The following GOLGA5 variants were observed in gnomAD, a reference collection of about 807,000 sequenced individuals.
The protein encoded by GOLGA5 is golgin subfamily A member 5.
In GOLGA5, 50 loss-of-function variants were observed where a neutral mutation model predicts 93.5. That is an observed-to-expected ratio of 0.53 (90% confidence interval 0.43 to 0.68). The LOEUF is 0.68. GOLGA5 is among the 30% of genes least tolerant of loss of function. The pLI is 0.00. For missense variants in GOLGA5, 760 were observed against 856.4 expected (o/e 0.89, Z 1.40); for synonymous variants, 312 against 304.5 (o/e 1.02, Z -0.26).
At chr14:92,814,101 T>C (rs1349476989) in intron 6 of GOLGA5, among the ~76,000 whole-genome samples, 2 of 152,036 alleles carry the variant, frequency 1.3e-5, no homozygotes, top group Non-Finnish European at 2.9e-5. Context: ...TGATGCAACA[T>C]TGAGGTGACA....
At chr14:92,816,671 C>G (rs1295374858) in intron 7 of GOLGA5, among the ~76,000 whole-genome samples, 1 of 152,144 alleles carries the variant, frequency 6.6e-6, no homozygotes, top group Non-Finnish European at 1.5e-5. Context: ...AAGCAGTCTT[C>G]CCGCCTCAGG....
chr14:92,810,433 T>TG, intron 5 of GOLGA5, 56 bp downstream of exon 5: 1 of 1,367,248 alleles, frequency 7.3e-7, no homozygotes, highest in Non-Finnish European at 9.9e-7. Context: ...AAAAATGACT[T>TG]TATGCTGTTT....
intron 9 of GOLGA5, among the ~76,000 whole-genome samples, chr14:92,828,399 A>G (rs912856000): frequency 2.6e-5 from 4 of 152,234 alleles, no homozygotes; most frequent in Non-Finnish European, 5.9e-5. Flanking sequence ...ACATCTGTTC[A>G]CAGCATGGTT....
intron 8 of GOLGA5, among the ~76,000 whole-genome samples, chr14:92,822,399 C>T (rs1885333962): frequency 6.6e-6 from 1 of 152,204 alleles, no homozygotes; most frequent in South Asian, 2.1e-4. Context: ...CCAGTTACTC[C>T]TTCTCTGTTC....
At chr14:92,811,493 TA>T in intron 5 of GOLGA5, 57 bp from the exon 6 acceptor site, 3 of 1,162,544 alleles carry the variant, frequency 2.6e-6, no homozygotes, top group South Asian at 1.2e-5. Context: ...TGGATGGTTG[TA>T]AAATATGTTT....
rs557711213 is a variant in GOLGA5, at chr14:92,799,564, G to A, written c.544+1583G>A. Among the ~76,000 whole-genome samples the A allele has an allele frequency of 1.3e-4, 20 of 151,454 alleles. No individual in the cohort carries two copies. In the South Asian group the frequency reaches 3.8e-3, roughly 28 times the overall value. ...CTCCCAAAGTGCTGGGATTACAGGC[G>A]TGAGCCACTGTGCCTGGCCTTTTTT... On this transcript the variant is annotated intron_variant, in intron 2 of 12. Transcript: ENST00000163416.
In GOLGA5 at chr14:92,809,615, A is replaced by AGAGG. The variant is rs998231008; in HGVS notation, c.992+99_992+102dup. ...AACTTAGCTTTCTTGGAAATTTACAAGAGGGAATATTTCTTTTGGTAGTGT... is the reference window on the plus strand; with the variant it reads ...AACTTAGCTTTCTTGGAAATTTACAAGAGGGAGGGAATATTTCTTTTGGTAGTGT... On this transcript the variant is annotated intron_variant, in intron 4 of 12. Transcript: ENST00000163416. The AGAGG allele has an allele frequency of 2.8e-5, 21 of 746,668 alleles. No homozygotes were observed. The African/African-American group carries it at 2.8e-4, about 10-fold the overall frequency. The allele number at this position is 746,668 out of a possible 1,614,324, so 46.3% of individuals were successfully genotyped here.
intron 4 of GOLGA5, 49 bp downstream of exon 4, chr14:92,809,568 A>G (rs1885063177): frequency 9.2e-7 from 1 of 1,089,016 alleles, no homozygotes; most frequent in African/African-American, 1.6e-5. Context: ...AATGGTAAAC[A>G]TTGTAGTGTA....
chr14:92,808,010 G>A (rs906043027), intron 3 of GOLGA5, among the ~76,000 whole-genome samples: 4 of 151,710 alleles, frequency 2.6e-5, no homozygotes, highest in African/African-American at 4.8e-5. Flanking sequence ...CGAGGCGGGC[G>A]GATCACAAGG....
At chr14:92,828,109 C>T (rs1366466443) in intron 9 of GOLGA5, among the ~76,000 whole-genome samples, 1 of 152,200 alleles carries the variant, frequency 6.6e-6, no homozygotes, top group Non-Finnish European at 1.5e-5. Context: ...AATGGCTGCA[C>T]TAAACAACAG....
chr14:92,825,014 C>T (rs1885388000), intron 9 of GOLGA5, among the ~76,000 whole-genome samples: 1 of 152,118 alleles, frequency 6.6e-6, no homozygotes, highest in African/African-American at 2.4e-5. Flanking sequence ...GATCAGTCTT[C>T]CATAAAGTCA....
rs1423980106 is a variant in GOLGA5, at chr14:92,809,512, A to G, written c.985A>G (p.Lys329Glu). The stretch of plus-strand genomic sequence containing the variant: ...AGCATTAGAAGCCTTACAGAGTGAA[A>G]AATCACGGTAGGTGATTCTATGAAT... Reference protein sequence around the residue: ...TEALEALQSEKSRIMQDQSEG... With the variant: ...TEALEALQSEESRIMQDQSEG... Residue 329 changes from lysine to glutamate, a missense_variant, in exon 4 of 13, where the codon AAA (lysine) becomes GAA (glutamate). Transcript: ENST00000163416. The G allele has an allele frequency of 1.3e-6, 2 of 1,598,466 alleles. No individual in the cohort carries two copies. Among genetic ancestry groups the G allele is most frequent in the Non-Finnish European group, 1.7e-6 (2 of 1,166,056 alleles).
rs758197864 is a variant in GOLGA5 at position 92,806,732 on chromosome 14, A to G, written c.545-4A>G. Reference sequence around the variant, plus strand: ...GTAACAAAAACGTATTCTTTTTTTTACAGAAGCTGCCAGTAACTCAGATTC... The same window carrying G: ...GTAACAAAAACGTATTCTTTTTTTTGCAGAAGCTGCCAGTAACTCAGATTC... On this transcript the variant is annotated splice_polypyrimidine_tract_variant and splice_region_variant and intron_variant, in intron 2 of 12. Coordinates refer to ENST00000163416, the MANE Select transcript of GOLGA5 (RefSeq NM_005113.4). The G allele has an allele frequency of 5.9e-5, 95 of 1,597,730 alleles. No homozygotes were observed. The highest frequency in any genetic ancestry group is 1.1e-4 in the African/African-American group (8 of 74,544).
chr14:92,815,652 C>T (rs1009176873), intron 6 of GOLGA5, among the ~76,000 whole-genome samples: 1 of 148,424 alleles, frequency 6.7e-6, no homozygotes, highest in Non-Finnish European at 1.5e-5. Flanking sequence ...GCCTGGGCAA[C>T]ATAGCAAGAC....
In GOLGA5 at chr14:92,797,662, C is replaced by T; in HGVS notation, c.225C>T (p.Ala75=). The T allele has an allele frequency of 6.2e-7, 1 of 1,613,912 alleles. No homozygotes were observed. Among genetic ancestry groups the T allele is most frequent in the Non-Finnish European group, 8.5e-7 (1 of 1,179,812 alleles). ...SAADNIRNQK[A]TILAGTANVK... ...CTGATAACATTCGAAATCAAAAAGCCACCATCTTAGCTGGCACTGCAAATG... is the reference window on the plus strand; with the variant it reads ...CTGATAACATTCGAAATCAAAAAGCTACCATCTTAGCTGGCACTGCAAATG... The change falls in exon 2 of 13, where the codon GCC becomes GCT. Residue 75 remains alanine, a synonymous_variant. Coordinates refer to ENST00000163416, the MANE Select transcript of GOLGA5 (RefSeq NM_005113.4).
At chr14:92,815,766 C>T (rs1256204749) in intron 6 of GOLGA5, among the ~76,000 whole-genome samples, 5 of 143,862 alleles carry the variant, frequency 3.5e-5, no homozygotes, top group East Asian at 2.0e-4. Flanking sequence ...TGCGGTGGCG[C>T]GATCTCGGCT....
intron 2 of GOLGA5, among the ~76,000 whole-genome samples, chr14:92,802,494 T>C (rs1396791518): frequency 6.6e-6 from 1 of 152,102 alleles, no homozygotes; most frequent in Non-Finnish European, 1.5e-5. Flanking sequence ...TTTTCTTCAT[T>C]GGCTAGGACT....
Position 92,797,524 on chromosome 14 carries a change from A to G in GOLGA5, c.87A>G (p.Lys29=), listed in dbSNP as rs1217797047. The G allele has an allele frequency of 6.2e-7, 1 of 1,613,102 alleles. No homozygotes were observed. The highest frequency in any genetic ancestry group is 8.5e-7 in the Non-Finnish European group (1 of 1,179,148). Residue 29 remains lysine (K), a synonymous_variant, in exon 2 of 13, where the codon AAA becomes AAG. Coordinates refer to ENST00000163416, the MANE Select transcript of GOLGA5 (RefSeq NM_005113.4). Reference sequence around the variant, plus strand: ...GGGCTGCAACAGCTCTCAGTAGGAAAGACAATGCCAGCAACATATATAGCA... The same window carrying G: ...GGGCTGCAACAGCTCTCAGTAGGAAGGACAATGCCAGCAACATATATAGCA... ...DQGAATALSR[K]DNASNIYSKN... is the part of the protein sequence containing the mutation.
chr14:92,830,176 A>G (rs891029513), intron 9 of GOLGA5, among the ~76,000 whole-genome samples: 1 of 152,106 alleles, frequency 6.6e-6, no homozygotes, highest in Non-Finnish European at 1.5e-5. Flanking sequence ...AAATTAGCCG[A>G]GCATGGTTGC....
Sources: gnomAD v4.1 joint callset for allele counts (sites outside exome capture counted in the v4.1 genomes callset) on GRCh38, gnomAD v4.1.1 for gene constraint, MANE v1.5 for transcripts, NCBI Gene and HGNC (gene_info 2026-07-23, HGNC 2026-07-21) for gene names.